Variants in RSPO3 observed in about 807,000 individuals in gnomAD.
RSPO3 encodes R-spondin-3.
In RSPO3, 17 loss-of-function variants were observed where a neutral mutation model predicts 36.5. That is an observed-to-expected ratio of 0.47 (90% confidence interval 0.32 to 0.70). The LOEUF (loss-of-function observed/expected upper bound fraction) is 0.70, where lower values mean the gene tolerates loss of function less well. RSPO3 is among the 30% of genes least tolerant of loss of function. RSPO3 has a pLI of 0.04. For missense variants in RSPO3, 294 were observed against 322.5 expected (o/e 0.91, Z 0.68); for synonymous variants, 108 against 107.0 (o/e 1.01, Z -0.06).
intron 1 of RSPO3, among the ~76,000 whole-genome samples, chr6:127,137,097 TA>T (rs1774175374): frequency 6.6e-6 from 1 of 152,146 alleles, no homozygotes; most frequent in South Asian, 2.1e-4. Flanking sequence ...TGTTTATTAA[TA>T]AATGTCATTA....
intron 4 of RSPO3, among the ~76,000 whole-genome samples, chr6:127,173,363 C>A (rs534264146): frequency 9.9e-5 from 15 of 151,862 alleles, no homozygotes; most frequent in African/African-American, 3.1e-4. Context: ...TAAACAAAGG[C>A]GCTGTCAGTC....
At chr6:127,184,444 A>T (rs1473713411) in intron 4 of RSPO3, among the ~76,000 whole-genome samples, 3 of 152,134 alleles carry the variant, frequency 2.0e-5, no homozygotes, top group South Asian at 4.1e-4. Flanking sequence ...CCAATCAAAC[A>T]ATAGAAGGAA....
At chr6:127,128,664 T>C (rs1208122810) in intron 1 of RSPO3, among the ~76,000 whole-genome samples, 2 of 152,126 alleles carry the variant, frequency 1.3e-5, no homozygotes, top group Non-Finnish European at 2.9e-5. Flanking sequence ...TAAAGTATTC[T>C]GATACTGTTG....
At chr6:127,177,313 C>T (rs1054113111) in intron 4 of RSPO3, among the ~76,000 whole-genome samples, 3 of 151,878 alleles carry the variant, frequency 2.0e-5, no homozygotes, top group South Asian at 2.1e-4. Context: ...ATCCAACACT[C>T]ACCAATGTCT....
At chr6:127,140,128 G>C (rs572359638) in intron 1 of RSPO3, among the ~76,000 whole-genome samples, 1 of 152,064 alleles carries the variant, frequency 6.6e-6, no homozygotes, top group East Asian at 1.9e-4. Context: ...ATAATATTAA[G>C]ATACTAAAAG....
At chr6:127,179,623 CA>C (rs1477188878) in intron 4 of RSPO3, among the ~76,000 whole-genome samples, 1 of 151,764 alleles carries the variant, frequency 6.6e-6, no homozygotes, top group Non-Finnish European at 1.5e-5. Flanking sequence ...CATAAATTAC[CA>C]AAAACTTAGT....
At chr6:127,149,403 T>C (rs1398571135) in intron 2 of RSPO3, among the ~76,000 whole-genome samples, 3 of 152,012 alleles carry the variant, frequency 2.0e-5, no homozygotes, top group African/African-American at 7.2e-5. Context: ...CCCTCACCCA[T>C]TTTGCACCAG....
At chr6:127,151,072 A>T (rs1282575306) in intron 3 of RSPO3, among the ~76,000 whole-genome samples, 1 of 151,962 alleles carries the variant, frequency 6.6e-6, no homozygotes, top group Non-Finnish European at 1.5e-5. Context: ...CTCTTGACAC[A>T]GCCCATTAAT....
chr6:127,128,195 AG>A (rs1409285989), intron 1 of RSPO3, among the ~76,000 whole-genome samples: 1 of 152,064 alleles, frequency 6.6e-6, no homozygotes, highest in Non-Finnish European at 1.5e-5. Context: ...ATCCAGAAAA[AG>A]TTATCTTTAT....
chr6:127,131,948 C>T (rs568710892), intron 1 of RSPO3, among the ~76,000 whole-genome samples: 87 of 152,194 alleles, frequency 5.7e-4, no homozygotes, highest in African/African-American at 2.0e-3. Context: ...GTCATTTTTA[C>T]AAGAGCAATA....
At chr6:127,126,240 T>G (rs570106066) in intron 1 of RSPO3, among the ~76,000 whole-genome samples, 16 of 152,028 alleles carry the variant, frequency 1.1e-4, no homozygotes, top group Non-Finnish European at 2.2e-4. Context: ...GATTAGAGTA[T>G]TAGGGCTGAA....
At chr6:127,186,729 G>A (rs770396957) in intron 4 of RSPO3, among the ~76,000 whole-genome samples, 7 of 152,154 alleles carry the variant, frequency 4.6e-5, no homozygotes, top group South Asian at 4.1e-4. Flanking sequence ...AAATTGGCAC[G>A]TTAGGCAAAC....
chr6:127,186,866 T>C (rs1196225550), intron 4 of RSPO3, among the ~76,000 whole-genome samples: 1 of 152,164 alleles, frequency 6.6e-6, no homozygotes, highest in Admixed American at 6.6e-5. Flanking sequence ...TTGTGTATTC[T>C]GATTTAAAAT....
chr6:127,143,813 C>T (rs1375195882), intron 1 of RSPO3, among the ~76,000 whole-genome samples: 3 of 152,108 alleles, frequency 2.0e-5, no homozygotes, highest in East Asian at 3.8e-4. Context: ...GTCACAGAAA[C>T]AGAATTTAGT....
At chr6:127,174,645 T>C (rs1259234745) in intron 4 of RSPO3, among the ~76,000 whole-genome samples, 1 of 151,858 alleles carries the variant, frequency 6.6e-6, no homozygotes, top group Admixed American at 6.6e-5. Context: ...GAACTAGTCT[T>C]ACTCTGTTTT....
chr6:127,181,166 A>T (rs1167560219), intron 4 of RSPO3, among the ~76,000 whole-genome samples: 1 of 151,904 alleles, frequency 6.6e-6, no homozygotes, highest in Non-Finnish European at 1.5e-5. Context: ...GCCCAAGGTC[A>T]TAGCAGCTAT....
intron 4 of RSPO3, among the ~76,000 whole-genome samples, chr6:127,155,755 A>G (rs1774582833): frequency 6.6e-6 from 1 of 152,080 alleles, no homozygotes; most frequent in Non-Finnish European, 1.5e-5. Context: ...AAGTCTCATA[A>G]TTACAAAGTC....
At chr6:127,182,026 G>A (rs981516005) in intron 4 of RSPO3, among the ~76,000 whole-genome samples, 4 of 151,894 alleles carry the variant, frequency 2.6e-5, no homozygotes, top group African/African-American at 9.7e-5. Context: ...GAAGGAAAAG[G>A]GGAACTGGCA....
At chr6:127,124,890 G>T (rs1246438596) in intron 1 of RSPO3, among the ~76,000 whole-genome samples, 1 of 152,080 alleles carries the variant, frequency 6.6e-6, no homozygotes, top group Non-Finnish European at 1.5e-5. Context: ...GGGGTGCTGA[G>T]AATGCTAAAT....
Sources: allele counts gnomAD v4.1 joint callset (sites outside exome capture counted in the v4.1 genomes callset), GRCh38; gene constraint gnomAD v4.1.1; transcripts MANE v1.5; gene names NCBI Gene and HGNC (gene_info 2026-07-23, HGNC 2026-07-21).